The following ARHGAP29 variants were observed in gnomAD, a reference collection of about 807,000 sequenced individuals.
ARHGAP29 encodes Rho GTPase activating protein 29, also known as rho GTPase-activating protein 29.
In ARHGAP29, 43 loss-of-function variants were observed where a neutral mutation model predicts 122.6. The observed-to-expected ratio is 0.35, with a 90% CI of 0.27 to 0.45. The LOEUF (loss-of-function observed/expected upper bound fraction) is 0.45, where lower values mean the gene tolerates loss of function less well. ARHGAP29 is among the 20% of genes least tolerant of loss of function. The pLI, the probability that ARHGAP29 is intolerant of heterozygous loss-of-function variation, is 1.00. For synonymous variants in ARHGAP29, 506 were observed against 497.1 expected, an observed-to-expected ratio of 1.02 and a Z score of -0.24; for missense variants, 1,303 against 1,477.2, an observed-to-expected ratio of 0.88 and a Z score of 1.93.
intron 1 of ARHGAP29, among the ~76,000 whole-genome samples, chr1:94,256,695 A>G (rs1007561045): frequency 6.6e-6 from 1 of 150,700 alleles, no homozygotes; most frequent in Non-Finnish European, 1.5e-5. Flanking sequence ...AGTAGCTGGG[A>G]CTACAGGCGC....
chr1:94,241,493 T>C (rs756795103), upstream of ARHGAP29, among the ~76,000 whole-genome samples: 66 of 151,642 alleles, frequency 4.4e-4, no homozygotes, highest in Non-Finnish European at 5.9e-4. Flanking sequence ...GGCGTGCACA[T>C]GTAATCCCAG....
In ARHGAP29 at chr1:94,242,930, T is replaced by C. The variant is rs192369031; in HGVS notation, c.-32-11287A>G. On this transcript the variant is annotated intron_variant and NMD_transcript_variant, in intron 1 of 25. Transcript: ENST00000552844. ...CCAAAGTAGCTCTATAATATAGGTA[T>C]CAAAGAATTTTACCAAGGATAAAAA... 2.0e-3 allele frequency among the ~76,000 whole-genome samples: 300 copies of C among 152,134 alleles called. 1 individual carries two copies. The highest frequency in any genetic ancestry group is 2.7e-3 in the Non-Finnish European group (183 of 67,938).
chr1:94,260,006 G>A (rs1249275481), intron 1 of ARHGAP29, among the ~76,000 whole-genome samples: 2 of 152,184 alleles, frequency 1.3e-5, no homozygotes, highest in Non-Finnish European at 2.9e-5. Context: ...AGTTTCTGTA[G>A]AGGACCAGAG....
chr1:94,199,159 G>A (rs1650679029), intron 12 of ARHGAP29, among the ~76,000 whole-genome samples: 4 of 152,146 alleles, frequency 2.6e-5, no homozygotes, highest in Admixed American at 2.0e-4. Flanking sequence ...GTTGATGGGT[G>A]CAGCAAACCA....
rs1259808536 is a variant in ARHGAP29, at chr1:94,201,936, G to T, written c.1144-79C>A. The stretch of plus-strand genomic sequence containing the variant: ...ATATTTACTATAGTAAAGCTAAGTT[G>T]AAATAACTGAAAATTCTGAAATCTT... On this transcript the variant is annotated intron_variant, in intron 11 of 22. Coordinates refer to ENST00000260526, the MANE Select transcript of ARHGAP29 (RefSeq NM_004815.4). 1.4e-5 allele frequency: 18 copies of T among 1,271,722 alleles called. No individual in the cohort carries two copies. The East Asian group carries it at 4.4e-4, about 31-fold the overall frequency. 78.8% of individuals were successfully genotyped at this position (1,271,722 alleles called of 1,614,324 possible).
the ARHGAP29 span, among the ~76,000 whole-genome samples, chr1:94,309,776 C>T: frequency 3.9e-5 from 6 of 152,220 alleles, no homozygotes; most frequent in African/African-American, 1.4e-4. Context: ...TCTGTTACAA[C>T]CAGAGGGCAG....
At position 94,174,075 on chromosome 1, in the gene ARHGAP29, T is replaced by G; in HGVS notation, c.3580A>C (p.Thr1194Pro). Residue 1194 changes from threonine (T) to proline (P), a missense_variant, in exon 23 of 23, where the codon ACA becomes CCA. Thr to Pro is a conservative substitution (Grantham distance 38). Coordinates refer to ENST00000260526, the MANE Select transcript of ARHGAP29 (RefSeq NM_004815.4). ...ACGAGACCGTGGGGATCGTGATCTG[T>G]GCCAGGAGGCACTGCTGCTGAGGGT... ...ASPSAAVPPG[T>P]DHDPHGLVVK... 6.2e-7 allele frequency: 1 copy of G among 1,614,212 alleles called. No individual in the cohort carries two copies. Among genetic ancestry groups the G allele is most frequent in the Non-Finnish European group, 8.5e-7 (1 of 1,180,032 alleles).
At chr1:94,308,303 A>C in the ARHGAP29 span, among the ~76,000 whole-genome samples, 1 of 152,174 alleles carries the variant, frequency 6.6e-6, no homozygotes, top group South Asian at 2.1e-4. Context: ...TGGTAGTAGT[A>C]AGGTTCTCAA....
chr1:94,269,635 C>G (rs916804372), intron 1 of ARHGAP29, among the ~76,000 whole-genome samples: 1 of 152,016 alleles, frequency 6.6e-6, no homozygotes, highest in African/African-American at 2.4e-5. Flanking sequence ...ATAAGAAATT[C>G]AATCTTACTC....
chr1:94,231,432 T>C lies in ARHGAP29; in HGVS notation c.180A>G (p.Leu60=), dbSNP rs751636950. The change falls in exon 2 of 23, where the codon CTA becomes CTG. Residue 60 remains leucine (L), a synonymous_variant. Coordinates refer to ENST00000260526, the MANE Select transcript of ARHGAP29 (RefSeq NM_004815.4). ...NDIRKFSHML[L]YLKEAIFSDC... ...CTGAAAATATGGCTTCTTTCAAATATAGTAACATGTGGGAGAACTTCCTGA... is the reference window on the plus strand; with the variant it reads ...CTGAAAATATGGCTTCTTTCAAATACAGTAACATGTGGGAGAACTTCCTGA... 7.2e-5 allele frequency: 116 copies of C among 1,613,344 alleles called. No individual in the cohort carries two copies. The highest frequency in any genetic ancestry group is 1.3e-4 in the South Asian group (12 of 91,018).
At position 94,273,763 on chromosome 1, in the gene ARHGAP29, T is replaced by C. The variant is rs1251957187; in HGVS notation, c.-33+1249A>G. On this transcript the variant is annotated intron_variant and NMD_transcript_variant, in intron 1 of 25. Transcript: ENST00000552844. Reference sequence around the variant, plus strand: ...TTAGAGAAGTTTTTAGTCTTTTTTTTCTAAGAAACTGACTAGTTTAGTCAC... The same window carrying C: ...TTAGAGAAGTTTTTAGTCTTTTTTTCCTAAGAAACTGACTAGTTTAGTCAC... 7.2e-5 allele frequency among the ~76,000 whole-genome samples: 11 copies of C among 152,298 alleles called. No individual in the cohort carries two copies. In the South Asian group the frequency reaches 1.9e-3, roughly 26 times the overall value.
At chr1:94,240,547 C>A (rs1196939310), upstream of ARHGAP29, among the ~76,000 whole-genome samples, 1 of 152,060 alleles carries the variant, frequency 6.6e-6, no homozygotes, top group Non-Finnish European at 1.5e-5. Flanking sequence ...TTGTAGTGTT[C>A]AGAAAAAAAG....
intron 7 of ARHGAP29, among the ~76,000 whole-genome samples, chr1:94,204,405 C>G (rs1456998176): frequency 6.6e-6 from 1 of 152,114 alleles, no homozygotes; most frequent in Non-Finnish European, 1.5e-5. Flanking sequence ...AGGACCTAGG[C>G]TTGTGTACTG....
chr1:94,275,967 A>T (rs1445301840), upstream of ARHGAP29, among the ~76,000 whole-genome samples: 2 of 151,910 alleles, frequency 1.3e-5, no homozygotes, highest in East Asian at 3.9e-4. Context: ...TAAAAAAAAA[A>T]AGTTTTGGGG....
At chr1:94,178,381 T>G (rs1649245614) in intron 20 of ARHGAP29, among the ~76,000 whole-genome samples, 1 of 152,216 alleles carries the variant, frequency 6.6e-6, no homozygotes, top group South Asian at 2.1e-4. Context: ...AAATTTCAAG[T>G]TAAGTAGAAG....
intron 1 of ARHGAP29, among the ~76,000 whole-genome samples, chr1:94,263,697 A>G (rs180983472): frequency 1.8e-4 from 28 of 152,316 alleles, no homozygotes; most frequent in African/African-American, 6.7e-4. Context: ...TTAATACCTC[A>G]GTATTTTTCC....
At chr1:94,280,940 C>T in the ARHGAP29 span, among the ~76,000 whole-genome samples, 3 of 152,176 alleles carry the variant, frequency 2.0e-5, no homozygotes, top group Non-Finnish European at 4.4e-5. Flanking sequence ...TCCTCCCTTC[C>T]ATTCTCCTGT....
the ARHGAP29 span, among the ~76,000 whole-genome samples, chr1:94,311,489 A>T: frequency 6.6e-6 from 1 of 152,170 alleles, no homozygotes; most frequent in Non-Finnish European, 1.5e-5. Context: ...TTGTCAGATC[A>T]AATAAAATAA....
At chr1:94,269,811 A>G (rs979861878) in intron 1 of ARHGAP29, among the ~76,000 whole-genome samples, 1 of 152,156 alleles carries the variant, frequency 6.6e-6, no homozygotes, top group Non-Finnish European at 1.5e-5. Flanking sequence ...GGAGACATAA[A>G]GTCAACAATT....
Sources: allele counts gnomAD v4.1 joint callset (sites outside exome capture counted in the v4.1 genomes callset), GRCh38; gene constraint gnomAD v4.1.1; transcripts MANE v1.5; gene names NCBI Gene and HGNC (gene_info 2026-07-23, HGNC 2026-07-21).